The following ANKH variants were observed in gnomAD, a reference collection of about 807,000 sequenced individuals.
ANKH encodes the protein mineralization regulator ANKH.
ANKH carries 15 observed loss-of-function variants against 49.0 expected under a neutral mutation model. That is an observed-to-expected ratio of 0.31 (90% CI 0.20 to 0.47). The LOEUF (loss-of-function observed/expected upper bound fraction) is 0.47, where lower values mean the gene tolerates loss of function less well. ANKH is among the 20% of genes least tolerant of loss of function. The pLI is 1.00. For missense variants in ANKH, 429 were observed against 652.0 expected (o/e 0.66, Z 3.72); for synonymous variants, 273 against 260.0 (o/e 1.05, Z -0.48).
chr5:14,768,767 G>A, intron 2 of ANKH: 1 of 612,710 alleles, frequency 1.6e-6, no homozygotes, highest in Non-Finnish European at 2.9e-6. Flanking sequence ...TTGGGAATCA[G>A]AGACACAAAA....
intron 1 of ANKH, among the ~76,000 whole-genome samples, chr5:14,860,472 G>C (rs924872750): frequency 6.6e-5 from 10 of 152,188 alleles, no homozygotes; most frequent in Non-Finnish European, 2.9e-5. Context: ...CAGCCACAGT[G>C]AATTTCCTCT....
chr5:14,750,990 C>T, intron 5 of ANKH, 79 bp downstream of exon 5: 1 of 1,565,640 alleles, frequency 6.4e-7, no homozygotes, highest in South Asian at 1.1e-5. Context: ...TCACTGATTT[C>T]TCATTTTACA....
chr5:14,781,484 T>C (rs894558571), intron 1 of ANKH, among the ~76,000 whole-genome samples: 3 of 152,232 alleles, frequency 2.0e-5, no homozygotes, highest in African/African-American at 7.2e-5. Flanking sequence ...CCAAGCACGG[T>C]ACAACGATGT....
chr5:14,789,255 T>G (rs1482825729), intron 1 of ANKH, among the ~76,000 whole-genome samples: 1 of 152,070 alleles, frequency 6.6e-6, no homozygotes, highest in East Asian at 1.9e-4. Context: ...AACAACTCAG[T>G]TAGCATATAT....
chr5:14,764,588 T>A (rs1191820204), intron 2 of ANKH, among the ~76,000 whole-genome samples: 1 of 152,198 alleles, frequency 6.6e-6, no homozygotes. Context: ...CAAAAATAAA[T>A]GCTTGTGTTT....
intron 1 of ANKH, among the ~76,000 whole-genome samples, chr5:14,833,052 C>A (rs1384848003): frequency 6.6e-6 from 1 of 152,100 alleles, no homozygotes; most frequent in African/African-American, 2.4e-5. Flanking sequence ...CAAGCTTGGC[C>A]CCACAACCTG....
chr5:14,758,611 G>A lies in ANKH; in HGVS notation c.314-13C>T, dbSNP rs201856062. 408 of 1,503,486 alleles carry A rather than the reference G, an allele frequency of 2.7e-4. No homozygotes were observed. The highest frequency in any genetic ancestry group is 3.5e-4 in the Non-Finnish European group (382 of 1,079,090). The allele number at this position is 1,503,486 out of a possible 1,614,324, so 93.1% of individuals were successfully genotyped here. A position where few individuals can be genotyped will look rare whatever the true frequency, so the allele number is the denominator to read the frequency against. On this transcript the variant is annotated splice_polypyrimidine_tract_variant and intron_variant, in intron 2 of 11. Transcript: ENST00000284268. ...AAATCACTATAAGCTGCAAAGTGTC[G>A]AAAGGCATATGTGGAAATATTTAGA...
At chr5:14,815,113 G>A (rs544573185) in intron 1 of ANKH, among the ~76,000 whole-genome samples, 1 of 152,276 alleles carries the variant, frequency 6.6e-6, no homozygotes, top group South Asian at 2.1e-4. Context: ...AAACTGTGTA[G>A]AATATTCTAG....
chr5:14,860,139 C>T (rs892180687), intron 1 of ANKH, among the ~76,000 whole-genome samples: 1 of 152,234 alleles, frequency 6.6e-6, no homozygotes. Context: ...GCACGCCAGG[C>T]TCCAGGCCAG....
intron 1 of ANKH, among the ~76,000 whole-genome samples, chr5:14,769,482 G>T (rs1056505448): frequency 6.6e-6 from 1 of 151,914 alleles, no homozygotes; most frequent in African/African-American, 2.4e-5. Context: ...AGAAGTTTTG[G>T]TTAAAAGTTG....
Position 14,706,223 on chromosome 5 carries a change from A to G in ANKH, c.*4974T>C, listed in dbSNP as rs1736942026. The G allele has an allele frequency of 6.6e-6, 1 of 152,262 alleles. No homozygotes were observed. Among genetic ancestry groups the G allele is most frequent in the South Asian group, 2.1e-4 (1 of 4,836 alleles). The allele number at this position is 152,262 out of a possible 1,614,324, so 9.4% of individuals were successfully genotyped here. On this transcript the variant is annotated 3_prime_UTR_variant, in exon 12 of 12. Transcript: ENST00000284268. ...ACTTAAAAACAGGTACTATATAAAA[A>G]AAATTTGCTGAATCTATGTGTAGCT...
intron 1 of ANKH, among the ~76,000 whole-genome samples, chr5:14,840,234 G>A (rs1484547732): frequency 6.6e-6 from 1 of 152,176 alleles, no homozygotes; most frequent in Non-Finnish European, 1.5e-5. Flanking sequence ...CCAGGGCAAG[G>A]AATTTCCATA....
intron 1 of ANKH, among the ~76,000 whole-genome samples, chr5:14,771,325 C>T (rs79449893): frequency 0.011 from 1,644 of 152,224 alleles, 36 homozygotes; most frequent in African/African-American, 0.038. Context: ...TTCAGCATAC[C>T]CTGAGAATGA....
At chr5:14,854,332 A>T (rs1742197960) in intron 1 of ANKH, among the ~76,000 whole-genome samples, 1 of 152,192 alleles carries the variant, frequency 6.6e-6, no homozygotes, top group Non-Finnish European at 1.5e-5. Context: ...TCTACTAACA[A>T]ATTAACACGA....
At position 14,829,830 on chromosome 5, in the gene ANKH, T is replaced by G. The variant is rs145773547; in HGVS notation, c.96+41522A>C. Among the ~76,000 whole-genome samples the G allele has an allele frequency of 3.7e-4, 56 of 152,374 alleles. 1 individual carries two copies. Among genetic ancestry groups the G allele is most frequent in the African/African-American group, 1.3e-3 (54 of 41,592 alleles). ...ATAAAACATGAATACCTTCTGTGTT[T>G]TCATCAGTTTATAATCTCATAACTG... On this transcript the variant is annotated intron_variant, in intron 1 of 11. Transcript: ENST00000284268.
In ANKH at chr5:14,710,152, A is replaced by G. The variant is rs1396697642; in HGVS notation, c.*1045T>C. 1 of 152,228 alleles carries G rather than the reference A, an allele frequency of 6.6e-6. No individual in the cohort carries two copies. Among genetic ancestry groups the G allele is most frequent in the Admixed American group, 6.5e-5 (1 of 15,276 alleles). The allele number at this position is 152,228 out of a possible 1,614,324, so 9.4% of individuals were successfully genotyped here. A position where few individuals can be genotyped will look rare whatever the true frequency, so the allele number is the denominator to read the frequency against. ...GAGGGAAGTACCGTAGTACATTCTC[A>G]ATTACCTGTACCGCAGAGTTATGAC... On this transcript the variant is annotated 3_prime_UTR_variant, in exon 12 of 12. Transcript: ENST00000284268.
intron 1 of ANKH, among the ~76,000 whole-genome samples, chr5:14,777,490 C>G (rs1227179811): frequency 6.6e-6 from 1 of 152,098 alleles, no homozygotes; most frequent in East Asian, 1.9e-4. Context: ...TTACCAAATC[C>G]CACAGACATG....
At chr5:14,837,911 T>C (rs189260939) in intron 1 of ANKH, among the ~76,000 whole-genome samples, 64 of 152,292 alleles carry the variant, frequency 4.2e-4, no homozygotes, top group Non-Finnish European at 7.5e-4. Flanking sequence ...GGCACATATA[T>C]ACCATGGAAT....
intron 1 of ANKH, among the ~76,000 whole-genome samples, chr5:14,814,165 C>T (rs1159324768): frequency 1.3e-5 from 2 of 152,246 alleles, no homozygotes; most frequent in East Asian, 1.9e-4. Flanking sequence ...CTCTGCATGA[C>T]ATTTTGACAT....
Sources: allele counts gnomAD v4.1 joint callset (sites outside exome capture counted in the v4.1 genomes callset), GRCh38; gene constraint gnomAD v4.1.1; transcripts MANE v1.5; gene names NCBI Gene and HGNC (gene_info 2026-07-23, HGNC 2026-07-21).